G2E3: variants seen among roughly 807,000 people sequenced by gnomAD.
G2E3 encodes G2/M phase-specific E3 ubiquitin-protein ligase.
A neutral mutation model predicts 92.8 loss-of-function variants in G2E3; 35 were observed. The ratio of observed to expected loss-of-function variants is 0.38; its 90% CI spans 0.29 to 0.50. The LOEUF (loss-of-function observed/expected upper bound fraction) is 0.50, where lower values mean the gene tolerates loss of function less well. G2E3 is among the 20% of genes least tolerant of loss of function. The pLI, the probability that G2E3 is intolerant of heterozygous loss-of-function variation, is 0.94. For synonymous variants in G2E3, 242 were observed against 272.4 expected (o/e 0.89, Z 1.10); for missense variants, 554 against 823.8 (o/e 0.67, Z 4.01).
chr14:30,609,880 T>C (rs1169826804), intron 12 of G2E3, among the ~76,000 whole-genome samples: 2 of 152,318 alleles, frequency 1.3e-5, no homozygotes, highest in East Asian at 1.9e-4. Flanking sequence ...GACTGACTTA[T>C]TGTCAACCTT....
At chr14:30,610,244 T>C (rs927997987) in intron 12 of G2E3, among the ~76,000 whole-genome samples, 5 of 152,216 alleles carry the variant, frequency 3.3e-5, no homozygotes, top group African/African-American at 1.2e-4. Flanking sequence ...TCTTGGAATT[T>C]ACATTAAGAG....
rs544890478 is a variant in G2E3, at chr14:30,566,120, A to G, written c.-5+6848A>G. Among the ~76,000 whole-genome samples, 4 of 152,286 alleles carry G rather than the reference A, an allele frequency of 2.6e-5. No homozygotes were observed. In the East Asian group the frequency reaches 7.7e-4, roughly 29 times the overall value. On this transcript the variant is annotated intron_variant, in intron 1 of 14. Coordinates refer to ENST00000206595, the MANE Select transcript of G2E3 (RefSeq NM_017769.5). ...TCTTTCTTCTTTTCTATTGATGTGT[A>G]TGTCTGTCCTTGTGCCAGTACCACA...
intron 10 of G2E3, among the ~76,000 whole-genome samples, chr14:30,605,139 G>C (rs1182021269): frequency 6.6e-6 from 1 of 152,026 alleles, no homozygotes; most frequent in Non-Finnish European, 1.5e-5. Flanking sequence ...CAGGTGATCC[G>C]CCTGCCTCTG....
intron 1 of G2E3, among the ~76,000 whole-genome samples, chr14:30,575,419 T>A (rs549082773): frequency 6.6e-6 from 1 of 152,234 alleles, no homozygotes; most frequent in Non-Finnish European, 1.5e-5. Flanking sequence ...CAGCCAACAT[T>A]ATACTGAATG....
chr14:30,612,104 A>T, intron 12 of G2E3, 103 bp from the exon 13 acceptor site: 1 of 768,620 alleles, frequency 1.3e-6, no homozygotes, highest in Non-Finnish European at 2.2e-6. Flanking sequence ...CTGCACCCAT[A>T]TGTACTAAGA....
At chr14:30,605,212 A>C (rs1881772671) in intron 10 of G2E3, among the ~76,000 whole-genome samples, 2 of 152,170 alleles carry the variant, frequency 1.3e-5, no homozygotes, top group Non-Finnish European at 2.9e-5. Flanking sequence ...TCTGATTCTT[A>C]AACCGGAATT....
At chr14:30,585,748 GT>G (rs1880681029) in intron 2 of G2E3, among the ~76,000 whole-genome samples, 1 of 150,620 alleles carries the variant, frequency 6.6e-6, no homozygotes, top group South Asian at 2.1e-4. Context: ...TTTGGGTTTA[GT>G]TTCTTCTTTT....
rs533497537 is a variant in G2E3, at chr14:30,618,344, T to C, written c.*1810T>C. ...CACCATACAGTTTTTATTCCAAATA[T>C]GTTGATAAAAAGATATTTGTTTCTT... On this transcript the variant is annotated 3_prime_UTR_variant, in exon 15 of 15. Transcript: ENST00000206595. 1 of 152,246 alleles carries C rather than the reference T, an allele frequency of 6.6e-6. No homozygotes were observed. Among genetic ancestry groups the C allele is most frequent in the South Asian group, 2.1e-4 (1 of 4,828 alleles). The allele number at this position is 152,246 out of a possible 1,614,324, so 9.4% of individuals were successfully genotyped here.
At position 30,616,440 on chromosome 14, in the gene G2E3, A is replaced by G. The variant is rs1164295478; in HGVS notation, c.2027A>G (p.Asn676Ser). The G allele has an allele frequency of 1.2e-6, 2 of 1,610,492 alleles. No homozygotes were observed. The highest frequency in any genetic ancestry group is 1.1e-5 in the South Asian group (1 of 90,996). ...AACTGTTTAGCAATTCCCATCACCA[A>G]TACATATAAAGAGTTTCAAGAAAAT... ...CNNCLAIPIT[N>S]TYKEFQENMD... Residue 676 changes from asparagine to serine, a missense_variant, in exon 15 of 15, where the codon AAT becomes AGT. By Grantham distance (46) the Asn-to-Ser change is conservative (BLOSUM62 1). This residue lies in a region of G2E3 where 397 missense variants were observed against 560.3 expected (regional missense o/e 0.71). Coordinates refer to ENST00000206595, the MANE Select transcript of G2E3 (RefSeq NM_017769.5).
intron 1 of G2E3, among the ~76,000 whole-genome samples, chr14:30,575,995 C>A (rs950645495): frequency 2.0e-5 from 3 of 152,156 alleles, no homozygotes; most frequent in Non-Finnish European, 4.4e-5. Context: ...CAACAACATT[C>A]TTCACAAAAC....
chr14:30,604,230 T>C (rs773386258), intron 10 of G2E3, among the ~76,000 whole-genome samples: 14 of 152,200 alleles, frequency 9.2e-5, no homozygotes, highest in Non-Finnish European at 2.1e-4. Flanking sequence ...TGAAGAATTA[T>C]CTTACTTCCA....
In G2E3 at chr14:30,618,641, G is replaced by C. The variant is rs1882428536; in HGVS notation, c.*2107G>C. 6.6e-6 allele frequency: 1 copy of C among 151,974 alleles called. No individual in the cohort carries two copies. Among genetic ancestry groups the C allele is most frequent in the South Asian group, 2.1e-4 (1 of 4,828 alleles). The allele number at this position is 151,974 out of a possible 1,614,324, so 9.4% of individuals were successfully genotyped here. On this transcript the variant is annotated 3_prime_UTR_variant, in exon 15 of 15. Coordinates refer to ENST00000206595, the MANE Select transcript of G2E3 (RefSeq NM_017769.5). ...GTGATAAGATGGTGTAAATAATTTA[G>C]GATATTCATGTTTTAAAGTGAAGCA...
Position 30,568,538 on chromosome 14 carries a change from T to G in G2E3, c.-5+9266T>G, listed in dbSNP as rs76475202. ...ATAGTGTACCATTTTGATTCCCTTC[T>G]CATTACCTTTTCTGCACATATTTTT... is the stretch of plus-strand genomic sequence containing the variant. On this transcript the variant is annotated intron_variant, in intron 1 of 14. Coordinates refer to ENST00000206595, the MANE Select transcript of G2E3 (RefSeq NM_017769.5). 3.7e-3 allele frequency among the ~76,000 whole-genome samples: 558 copies of G among 152,248 alleles called. 7 individuals are homozygous for G. The highest frequency in any genetic ancestry group is 0.013 in the African/African-American group (527 of 41,564).
Position 30,608,018 on chromosome 14 carries a change from G to A in G2E3, c.1449G>A (p.Gln483=). ...TTGTTTATGGACCAGAAAATACCCA[G>A]CCAATTTTAGATGATGTTTCAGACT... The part of the protein sequence containing the change: ...NCLVYGPENT[Q]PILDDVSDFD... The change falls in exon 12 of 15, where the codon CAG becomes CAA. Residue 483 remains glutamine, a synonymous_variant. Coordinates refer to ENST00000206595, the MANE Select transcript of G2E3 (RefSeq NM_017769.5). 1.3e-6 allele frequency: 2 copies of A among 1,599,444 alleles called. No individual in the cohort carries two copies. Among genetic ancestry groups the A allele is most frequent in the South Asian group, 1.1e-5 (1 of 89,132 alleles).
At chr14:30,614,049 A>G (rs932698101) in intron 13 of G2E3, among the ~76,000 whole-genome samples, 1 of 152,138 alleles carries the variant, frequency 6.6e-6, no homozygotes, top group Non-Finnish European at 1.5e-5. Flanking sequence ...TTATTTTAAA[A>G]TTATATAAAA....
chr14:30,587,589 T>A (rs1231225021), intron 3 of G2E3, among the ~76,000 whole-genome samples: 1 of 152,174 alleles, frequency 6.6e-6, no homozygotes, highest in African/African-American at 2.4e-5. Flanking sequence ...GATATTATCA[T>A]TGAGATGTCA....
chr14:30,560,638 T>C (rs548851205), intron 1 of G2E3: 1 of 589,920 alleles, frequency 1.7e-6, no homozygotes, highest in African/African-American at 1.9e-5. Context: ...TTGATCGCTA[T>C]ATCCTAATCT....
chr14:30,616,209 T>C, intron 14 of G2E3, 69 bp from the exon 15 acceptor site: 2 of 1,011,414 alleles, frequency 2.0e-6, no homozygotes, highest in Non-Finnish European at 3.1e-6. Flanking sequence ...GAAGAATCTA[T>C]GATGATAGCA....
intron 3 of G2E3, among the ~76,000 whole-genome samples, chr14:30,588,285 A>G (rs561378507): frequency 6.6e-6 from 1 of 152,292 alleles, no homozygotes; most frequent in South Asian, 2.1e-4. Context: ...ATAAAAAGTA[A>G]AATAAAAAGT....
Sources: gnomAD v4.1 joint callset for allele counts (sites outside exome capture counted in the v4.1 genomes callset) on GRCh38, gnomAD v4.1.1 for gene constraint, gnomAD v4.1.1 regional missense constraint, MANE v1.5 for transcripts, NCBI Gene and HGNC (gene_info 2026-07-23, HGNC 2026-07-21) for gene names.